ASH1L: variants seen among roughly 807,000 people sequenced by gnomAD.
ASH1L encodes the protein histone-lysine N-methyltransferase ASH1L.
A neutral mutation model predicts 269.0 loss-of-function variants in ASH1L; 23 were observed. The ratio of observed to expected loss-of-function variants is 0.09; its 90% confidence interval spans 0.06 to 0.12. The LOEUF (loss-of-function observed/expected upper bound fraction) is 0.12. Ranked by LOEUF, ASH1L falls within the 10% of genes least tolerant of loss-of-function variation. The pLI, the probability that ASH1L is intolerant of heterozygous loss-of-function variation, is 1.00. For synonymous variants in ASH1L, 1,187 were observed against 1,253.5 expected (o/e 0.95, Z 1.12); for missense variants, 2,912 against 3,567.8 (o/e 0.82, Z 4.68).
In ASH1L at chr1:155,354,553, T is replaced by A. The variant is rs1654202072; in HGVS notation, c.7133A>T (p.His2378Leu). 6.2e-7 allele frequency: 1 copy of A among 1,613,924 alleles called. No individual in the cohort carries two copies. The highest frequency in any genetic ancestry group is 1.7e-5 in the Admixed American group (1 of 59,960). The part of the protein sequence containing the change: ...KIRQKQEEVK[H>L]TSDNIHSASL... ...TGCTGAGTGAATATTATCACTGGTG[T>A]GCTTTACTTCCTCCTGTTTTTGACG... The change falls in exon 16 of 28, where the codon CAC (histidine) becomes CTC (leucine). Residue 2378 changes from histidine (H) to leucine (L), a missense_variant. Physicochemically the swap from His to Leu is moderately conservative, Grantham distance 99. This residue lies in a region of ASH1L where 309 missense variants were observed against 435.1 expected (regional missense o/e 0.71). Coordinates refer to ENST00000392403, the MANE Select transcript of ASH1L (RefSeq NM_018489.3).
chr1:155,482,187 G>A lies in ASH1L; in HGVS notation c.683C>T (p.Pro228Leu). The part of the protein sequence containing the change: ...EKLAQLIATC[P>L]PSKSSKTKPK... ...TTTTGTCTTGGAAGACTTGGAAGGA[G>A]GACAGGTAGCAATCAGCTGTGCCAA... Residue 228 changes from proline (P) to leucine (L), a missense_variant, in exon 3 of 28, where the codon CCT becomes CTT. Pro to Leu is a moderately conservative substitution (Grantham distance 98, BLOSUM62 -3). Around this residue, in one of 13 missense-constraint regions of ASH1L, gnomAD observed 277 missense variants for 367.7 expected, o/e 0.75. Coordinates refer to ENST00000392403, the MANE Select transcript of ASH1L (RefSeq NM_018489.3). 1 of 1,614,192 alleles carries A rather than the reference G, an allele frequency of 6.2e-7. No homozygotes were observed. Among genetic ancestry groups the A allele is most frequent in the Non-Finnish European group, 8.5e-7 (1 of 1,180,028 alleles).
chr1:155,369,145 A>T (rs1034130606), intron 12 of ASH1L, among the ~76,000 whole-genome samples: 7 of 152,172 alleles, frequency 4.6e-5, no homozygotes, highest in Admixed American at 2.0e-4. Context: ...ATGTACACTT[A>T]AGATCTATGT....
chr1:155,477,882 T>C lies in ASH1L; in HGVS notation c.4984+4A>G. 1 of 1,589,802 alleles carries C rather than the reference T, an allele frequency of 6.3e-7. No individual in the cohort carries two copies. Among genetic ancestry groups the C allele is most frequent in the Non-Finnish European group, 8.6e-7 (1 of 1,164,848 alleles). ...AATAACAGGTAACAAAATAACCCTCTTACCTGCCAAAGTCTGTACTGCCCT... is the reference window on the plus strand; with the variant it reads ...AATAACAGGTAACAAAATAACCCTCCTACCTGCCAAAGTCTGTACTGCCCT... On this transcript the variant is annotated splice_donor_region_variant and intron_variant, in intron 3 of 27. Coordinates refer to ENST00000392403, the MANE Select transcript of ASH1L (RefSeq NM_018489.3).
chr1:155,398,250 T>G (rs1292135190), intron 6 of ASH1L, among the ~76,000 whole-genome samples: 2 of 152,224 alleles, frequency 1.3e-5, no homozygotes, highest in African/African-American at 2.4e-5. Flanking sequence ...TAATAAATGT[T>G]GCTCACAGAA....
At chr1:155,349,703 C>G in intron 17 of ASH1L, 107 bp from the exon 18 acceptor site, 1 of 724,412 alleles carries the variant, frequency 1.4e-6, no homozygotes, top group Non-Finnish European at 2.2e-6. Flanking sequence ...AGAGAAAAAT[C>G]CAAGTCTTTT....
At chr1:155,424,582 T>C (rs1395400861) in intron 5 of ASH1L, among the ~76,000 whole-genome samples, 1 of 152,026 alleles carries the variant, frequency 6.6e-6, no homozygotes, top group Non-Finnish European at 1.5e-5. Context: ...TAATTTTGTA[T>C]TTTTAGTAGA....
chr1:155,561,983 G>T, intron 1 of ASH1L, 170 bp downstream of exon 1: 2 of 563,082 alleles, frequency 3.6e-6, no homozygotes, highest in Non-Finnish European at 6.2e-6. Context: ...CGCCTGGAGG[G>T]ACTTCCCGGT....
intron 2 of ASH1L, among the ~76,000 whole-genome samples, chr1:155,505,886 C>T (rs762380377): frequency 3.9e-5 from 6 of 152,004 alleles, no homozygotes; most frequent in South Asian, 2.1e-4. Context: ...ATGTGTACAA[C>T]GTGCAGGTTT....
In ASH1L at chr1:155,335,381, T is replaced by C. The variant is rs1338823756; in HGVS notation, c.*2279A>G. The C allele has an allele frequency of 6.5e-6, 1 of 152,742 alleles. No homozygotes were observed. Among genetic ancestry groups the C allele is most frequent in the Non-Finnish European group, 1.5e-5 (1 of 68,040 alleles). 9.5% of individuals were successfully genotyped at this position (152,742 alleles called of 1,614,324 possible). ...AATACATAATTTACAAAGATTAACA[T>C]CAAAACAATCATCTATTTAGATATG... On this transcript the variant is annotated 3_prime_UTR_variant, in exon 28 of 28. Transcript: ENST00000392403.
At chr1:155,345,314 G>C (rs1653175851) in intron 21 of ASH1L, among the ~76,000 whole-genome samples, 1 of 150,056 alleles carries the variant, frequency 6.7e-6, no homozygotes, top group African/African-American at 2.4e-5. Context: ...CCAAGTAGAT[G>C]GGATTACAGG....
At chr1:155,448,018 A>AT (rs1473624626) in intron 4 of ASH1L, among the ~76,000 whole-genome samples, 1 of 152,158 alleles carries the variant, frequency 6.6e-6, no homozygotes, top group Non-Finnish European at 1.5e-5. Context: ...CCTTTCATCC[A>AT]TTTTGATTTC....
At chr1:155,536,768 C>T (rs554790220) in intron 1 of ASH1L, among the ~76,000 whole-genome samples, 12 of 151,750 alleles carry the variant, frequency 7.9e-5, no homozygotes, top group African/African-American at 2.4e-4. Flanking sequence ...AGAGGCCAGG[C>T]GCAGTGGCTC....
chr1:155,344,523 AG>A (rs1425199808), intron 21 of ASH1L: 8 of 358,374 alleles, frequency 2.2e-5, no homozygotes, highest in African/African-American at 1.3e-4. Context: ...TACGTAATCT[AG>A]GGGCCATATG....
intron 1 of ASH1L, among the ~76,000 whole-genome samples, chr1:155,548,417 G>A (rs1347721614): frequency 6.6e-6 from 1 of 152,140 alleles, no homozygotes; most frequent in Non-Finnish European, 1.5e-5. Flanking sequence ...CAGCTACTCG[G>A]GAGGCTGAGG....
intron 2 of ASH1L, among the ~76,000 whole-genome samples, chr1:155,493,088 AT>A (rs1206495106): frequency 6.6e-6 from 1 of 152,208 alleles, no homozygotes; most frequent in Non-Finnish European, 1.5e-5. Flanking sequence ...AAGTGTTGGA[AT>A]TACAAGCATG....
chr1:155,374,088 G>T (rs187350362), intron 10 of ASH1L, among the ~76,000 whole-genome samples: 1 of 152,180 alleles, frequency 6.6e-6, no homozygotes, highest in Non-Finnish European at 1.5e-5. Context: ...CAGCACTTTG[G>T]GGGGCAGAGG....
chr1:155,417,851 G>T (rs925716255), intron 5 of ASH1L, among the ~76,000 whole-genome samples: 1 of 151,990 alleles, frequency 6.6e-6, no homozygotes, highest in Non-Finnish European at 1.5e-5. Flanking sequence ...CCAGCTACTC[G>T]GGAGGCTGAT....
At chr1:155,524,697 G>T (rs1669119661) in intron 1 of ASH1L, among the ~76,000 whole-genome samples, 1 of 151,864 alleles carries the variant, frequency 6.6e-6, no homozygotes, top group Admixed American at 6.6e-5. Flanking sequence ...AATTAGCCAG[G>T]TGTGTGGTGT....
At chr1:155,450,139 A>T (rs1663357920) in intron 4 of ASH1L, among the ~76,000 whole-genome samples, 1 of 152,154 alleles carries the variant, frequency 6.6e-6, no homozygotes, top group South Asian at 2.1e-4. Context: ...ATGTCTGCTG[A>T]TAGTTGTTAC....
Sources: gnomAD v4.1 joint callset for allele counts (sites outside exome capture counted in the v4.1 genomes callset) on GRCh38, gnomAD v4.1.1 for gene constraint, gnomAD v4.1.1 regional missense constraint, MANE v1.5 for transcripts, NCBI Gene and HGNC (gene_info 2026-07-23, HGNC 2026-07-21) for gene names.